SHOC1: variants seen among roughly 807,000 people sequenced by gnomAD.
The protein encoded by SHOC1 is protein shortage in chiasmata 1 ortholog.
Under a neutral mutation model 179.2 loss-of-function variants are expected in SHOC1, and 136 were observed. The ratio of observed to expected loss-of-function variants is 0.76; its 90% confidence interval spans 0.66 to 0.87. The LOEUF is 0.87. Among genes scored for constraint, SHOC1 ranks in the 40% least tolerant of loss-of-function variants. SHOC1 has a pLI of 0.00. For synonymous variants in SHOC1, 489 were observed against 586.6 expected, an observed-to-expected ratio of 0.83 and a Z score of 2.41; for missense variants, 1,538 against 1,700.8, an observed-to-expected ratio of 0.90 and a Z score of 1.68.
intron 12 of SHOC1, among the ~76,000 whole-genome samples, chr9:111,736,615 G>T (rs1833822725): frequency 6.6e-6 from 1 of 152,124 alleles, no homozygotes; most frequent in African/African-American, 2.4e-5. Flanking sequence ...AAGAATCATA[G>T]AGGAAAACCT....
intron 27 of SHOC1, among the ~76,000 whole-genome samples, chr9:111,689,525 G>C (rs1831332966): frequency 6.6e-6 from 1 of 151,556 alleles, no homozygotes; most frequent in Non-Finnish European, 1.5e-5. Context: ...AAATTTTCCA[G>C]GGCTGTGCCA....
chr9:111,765,224 T>C (rs1354835957), intron 5 of SHOC1, among the ~76,000 whole-genome samples: 1 of 152,026 alleles, frequency 6.6e-6, no homozygotes, highest in Non-Finnish European at 1.5e-5. Flanking sequence ...TTATAAAATC[T>C]AAGTAAAAAA....
chr9:111,778,538 G>A (rs1340179101), intron 4 of SHOC1, among the ~76,000 whole-genome samples: 2 of 152,118 alleles, frequency 1.3e-5, no homozygotes, highest in Non-Finnish European at 1.5e-5. Context: ...AGAGGCTGTG[G>A]TGGGTGCATC....
intron 26 of SHOC1, 140 bp downstream of exon 26, chr9:111,693,659 A>G: frequency 2.3e-6 from 1 of 443,818 alleles, no homozygotes; most frequent in Admixed American, 3.8e-5. Context: ...AATTTAGTTC[A>G]AGTAAATTAT....
At chr9:111,701,368 T>C (rs1452889763) in intron 23 of SHOC1, among the ~76,000 whole-genome samples, 1 of 152,180 alleles carries the variant, frequency 6.6e-6, no homozygotes, top group Non-Finnish European at 1.5e-5. Flanking sequence ...ATTCACTCTT[T>C]ACATCTTGAA....
Position 111,758,142 on chromosome 9 carries a change from CA to C in SHOC1, c.649del (p.Cys217ValfsTer5). 6.3e-7 allele frequency: 1 copy of C among 1,589,374 alleles called. No individual in the cohort carries two copies. The highest frequency in any genetic ancestry group is 1.8e-5 in the Admixed American group (1 of 56,760). On this transcript the variant is annotated frameshift_variant, in exon 7 of 28. Coordinates refer to ENST00000682961, the MANE Select transcript of SHOC1 (RefSeq NM_001378211.1). LOFTEE classifies it high-confidence loss of function. The stretch of plus-strand genomic sequence containing the variant: ...TTGACAAAAGTTCACTTTATCCATA[CA>C]AAAATCTTCTTTCACAAAAGCTTCC... ...TLEAFVKEDF[C>X]MDKVNFCQEK...
chr9:111,712,619 G>A (rs995532152), intron 18 of SHOC1, among the ~76,000 whole-genome samples: 14 of 152,176 alleles, frequency 9.2e-5, no homozygotes, highest in Admixed American at 5.2e-4. Flanking sequence ...GGCAGTAGTG[G>A]GTAGAAAAGT....
intron 27 of SHOC1, among the ~76,000 whole-genome samples, chr9:111,687,691 G>A (rs1200453257): frequency 3.9e-5 from 6 of 151,974 alleles, no homozygotes; most frequent in East Asian, 3.8e-4. Context: ...CCTGGTTTCC[G>A]TGTACCTTGT....
intron 1 of SHOC1, among the ~76,000 whole-genome samples, chr9:111,794,289 A>T (rs546999526): frequency 6.0e-4 from 73 of 121,226 alleles, no homozygotes; most frequent in Admixed American, 1.1e-3. Context: ...AAAAAAAAAA[A>T]AATAATAAGA....
rs1407390 is a variant in SHOC1 at position 111,702,207 on chromosome 9, T to C, written c.2987A>G (p.Tyr996Cys). 1,144,824 of 1,437,976 alleles carry C rather than the reference T, an allele frequency of 0.8. 457,715 individuals carry two copies. The highest frequency in any genetic ancestry group is 0.93 in the East Asian group (40,538 of 43,572). 89.1% of individuals were successfully genotyped at this position (1,437,976 alleles called of 1,614,324 possible). ...IILQDLEELN[Y>C]EKASDNIIMR... The stretch of plus-strand genomic sequence containing the variant: ...AATGATATTGTCTGATGCCTTCTCA[T>C]AATTCAATTCTTCTAGATCCTATCA... The change falls in exon 23 of 28, where the codon TAT (tyrosine) becomes TGT (cysteine). Residue 996 changes from tyrosine to cysteine, a missense_variant. Coordinates refer to ENST00000682961, the MANE Select transcript of SHOC1 (RefSeq NM_001378211.1).
In SHOC1 at chr9:111,786,083, T is replaced by A. The variant is rs1420867378; in HGVS notation, c.46-48A>T. ...AAAATCTTTTAACATGTACTATTTATCAATATTCAGAATATATTAAAATTC... is the reference window on the plus strand; with the variant it reads ...AAAATCTTTTAACATGTACTATTTAACAATATTCAGAATATATTAAAATTC... On this transcript the variant is annotated intron_variant, in intron 2 of 27. Coordinates refer to ENST00000682961, the MANE Select transcript of SHOC1 (RefSeq NM_001378211.1). The A allele has an allele frequency of 3.1e-6, 4 of 1,273,150 alleles. No homozygotes were observed. The South Asian group carries it at 6.9e-5, about 22-fold the overall frequency. The allele number at this position is 1,273,150 out of a possible 1,614,324, so 78.9% of individuals were successfully genotyped here.
intron 8 of SHOC1, among the ~76,000 whole-genome samples, chr9:111,748,458 A>G (rs1834388866): frequency 6.6e-6 from 1 of 152,206 alleles, no homozygotes; most frequent in Non-Finnish European, 1.5e-5. Flanking sequence ...CAAAATCTAC[A>G]TAATCACTGG....
At chr9:111,704,150 T>C (rs1383423761) in intron 21 of SHOC1, among the ~76,000 whole-genome samples, 158 bp from the exon 22 acceptor site, 1 of 152,214 alleles carries the variant, frequency 6.6e-6, no homozygotes, top group Non-Finnish European at 1.5e-5. Flanking sequence ...AGAATAAAGT[T>C]ATGATTTTTT....
rs2131419581 is a variant in SHOC1, at chr9:111,723,815, C to T, written c.1931G>A (p.Ser644Asn). ...EEINQERGTDSVIEIQASDSQ... is the reference protein window; with the variant it reads ...EEINQERGTDNVIEIQASDSQ... Reference sequence around the variant, plus strand: ...ACCTGACGCTTGAATTTCAATGACACTATCTGTTCCCCTTTCCTGATTTAT... The same window carrying T: ...ACCTGACGCTTGAATTTCAATGACATTATCTGTTCCCCTTTCCTGATTTAT... Residue 644 changes from serine to asparagine, a missense_variant, in exon 14 of 28, where the codon AGT (serine) becomes AAT (asparagine). Physicochemically the swap from Ser to Asn is conservative, Grantham distance 46. Transcript: ENST00000682961. The T allele has an allele frequency of 6.2e-7, 1 of 1,612,308 alleles. No individual in the cohort carries two copies. Among genetic ancestry groups the T allele is most frequent in the South Asian group, 1.1e-5 (1 of 90,842 alleles).
At chr9:111,704,094 T>A in intron 21 of SHOC1, 102 bp from the exon 22 acceptor site, 1 of 572,012 alleles carries the variant, frequency 1.7e-6, no homozygotes, top group Non-Finnish European at 3.0e-6. Flanking sequence ...TGGATTTCTA[T>A]GCTTTTTCTT....
chr9:111,718,078 A>G, intron 16 of SHOC1, 106 bp downstream of exon 16: 1 of 692,654 alleles, frequency 1.4e-6, no homozygotes, highest in Non-Finnish European at 2.4e-6. Flanking sequence ...AATAGAAAAG[A>G]AGGCTACATC....
chr9:111,714,393 T>G, intron 17 of SHOC1, 52 bp downstream of exon 17: 2 of 1,581,000 alleles, frequency 1.3e-6, no homozygotes, highest in Admixed American at 3.5e-5. Context: ...GTATCTTACA[T>G]CCAATTCTTA....
chr9:111,708,978 AT>A (rs1412828314), intron 18 of SHOC1, among the ~76,000 whole-genome samples: 9 of 152,232 alleles, frequency 5.9e-5, no homozygotes, highest in Non-Finnish European at 1.3e-4. Context: ...TGACATGACA[AT>A]AGTTCTGGTA....
Position 111,693,852 on chromosome 9 carries a change from T to A in SHOC1, c.3412A>T (p.Thr1138Ser). 6.2e-7 allele frequency: 1 copy of A among 1,611,852 alleles called. No homozygotes were observed. The highest frequency in any genetic ancestry group is 8.5e-7 in the Non-Finnish European group (1 of 1,178,476). ...AGGAGTTCCTGAAGTTGACACAGAG[T>A]TGCTAATAATATCCAATGCAGTGAA... The part of the protein sequence containing the change: ...GPSLHWILLA[T>S]LCQLQELLPE... The change falls in exon 26 of 28, where the codon ACT becomes TCT. Residue 1138 changes from threonine to serine, a missense_variant. Thr to Ser is a moderately conservative substitution (Grantham distance 58). Transcript: ENST00000682961.
Sources: allele counts gnomAD v4.1 joint callset (sites outside exome capture counted in the v4.1 genomes callset), GRCh38; gene constraint gnomAD v4.1.1; transcripts MANE v1.5; gene names NCBI Gene and HGNC (gene_info 2026-07-23, HGNC 2026-07-21).